FYTTD1: variants seen among roughly 807,000 people sequenced by gnomAD.
The protein encoded by FYTTD1 is forty-two-three domain containing 1.
FYTTD1 carries 22 observed loss-of-function variants against 40.9 expected under a neutral mutation model. The ratio of observed to expected loss-of-function variants is 0.54; its 90% CI spans 0.38 to 0.77. FYTTD1 has a LOEUF of 0.77. Ranked by LOEUF, FYTTD1 falls within the 30% of genes least tolerant of loss-of-function variation. The pLI is 0.00. For synonymous variants in FYTTD1, 140 were observed against 137.9 expected (o/e 1.01, Z -0.10); for missense variants, 351 against 392.2 (o/e 0.90, Z 0.89).
intron 2 of FYTTD1, among the ~76,000 whole-genome samples, chr3:197,765,647 A>G (rs537731625): frequency 3.3e-5 from 5 of 152,162 alleles, no homozygotes; most frequent in Admixed American, 3.3e-4. Context: ...AGATCACCTG[A>G]GGTCAGGAGT....
At position 197,750,797 on chromosome 3, in the gene FYTTD1, A is replaced by G. The variant is rs980166505; in HGVS notation, c.103+723A>G. The G allele has an allele frequency of 5.8e-5, 57 of 985,462 alleles. No homozygotes were observed. In the African/African-American group the frequency reaches 9.8e-4, roughly 17 times the overall value. The allele number at this position is 985,462 out of a possible 1,614,324, so 61.0% of individuals were successfully genotyped here. On this transcript the variant is annotated intron_variant, in intron 1 of 8. Transcript: ENST00000241502. Reference sequence around the variant, plus strand: ...AGCAAACATCTTTGAAGGAGAGATGATTGCTGTGGCTCGCTGAGAAGCCAG... The same window carrying G: ...AGCAAACATCTTTGAAGGAGAGATGGTTGCTGTGGCTCGCTGAGAAGCCAG...
In FYTTD1 at chr3:197,772,996, C is replaced by G. The variant is rs9843009; in HGVS notation, c.498-407C>G. 8.1e-3 allele frequency among the ~76,000 whole-genome samples: 1,232 copies of G among 152,246 alleles called. 10 individuals are homozygous for G. The highest frequency in any genetic ancestry group is 0.028 in the African/African-American group (1,166 of 41,542). On this transcript the variant is annotated intron_variant, in intron 4 of 8. Transcript: ENST00000241502. ...GAGATGTTATTTTTCAAACCTTTCT[C>G]TTTATTTTTGGTCTTCAGTTTATTT...
At chr3:197,758,751 A>G (rs1729280955) in intron 2 of FYTTD1, among the ~76,000 whole-genome samples, 1 of 152,236 alleles carries the variant, frequency 6.6e-6, no homozygotes, top group Admixed American at 6.5e-5. Context: ...TACTGAATGT[A>G]CAGAGATAGA....
At chr3:197,773,523 T>TTTTG (rs3830497) in intron 5 of FYTTD1, 24 bp downstream of exon 5, 803,981 of 1,012,260 alleles carry the variant, frequency 0.79, 329,610 homozygotes, top group East Asian at 0.97. Context: ...TTGGCAGTGT[T>TTTTG]TTTGTTTGTT....
At chr3:197,769,145 T>G (rs1729636739) in intron 3 of FYTTD1, among the ~76,000 whole-genome samples, 1 of 151,918 alleles carries the variant, frequency 6.6e-6, no homozygotes, top group Non-Finnish European at 1.5e-5. Context: ...TGGAGTGCAG[T>G]GGTGCAATCT....
chr3:197,781,170 C>T (rs1258418499), intron 8 of FYTTD1, among the ~76,000 whole-genome samples: 6 of 151,710 alleles, frequency 4.0e-5, no homozygotes, highest in East Asian at 1.9e-4. Flanking sequence ...AAAAATTAGC[C>T]GGGTGTGGTA....
Position 197,749,991 on chromosome 3 carries a change from G to T in FYTTD1, c.20G>T (p.Arg7Leu), listed in dbSNP as rs1247457765. ...CCAGCCATGAACCGGTTTGGTACCC[G>T]GTTGGTGGGAGCCACGGCGACTTCT... MNRFGT[R>L]LVGATATSSP... is the part of the protein sequence containing the mutation. The change falls in exon 1 of 9, where the codon CGG (arginine) becomes CTG (leucine). Residue 7 changes from arginine to leucine, a missense_variant. Physicochemically the swap from Arg to Leu is moderately radical, Grantham distance 102 (BLOSUM62 -2). Transcript: ENST00000241502. 2.5e-6 allele frequency: 4 copies of T among 1,582,908 alleles called. No homozygotes were observed. The African/African-American group carries it at 5.6e-5, about 22-fold the overall frequency.
chr3:197,757,618 T>C (rs1273640017), intron 2 of FYTTD1, among the ~76,000 whole-genome samples: 1 of 152,096 alleles, frequency 6.6e-6, no homozygotes, highest in Admixed American at 6.6e-5. Flanking sequence ...CCACAAAAAA[T>C]TTAAAAATTA....
At chr3:197,757,251 C>T (rs892296841) in intron 2 of FYTTD1, among the ~76,000 whole-genome samples, 9 of 152,136 alleles carry the variant, frequency 5.9e-5, no homozygotes, top group Non-Finnish European at 8.8e-5. Context: ...TGATTGAAGG[C>T]AGTAATTGAA....
chr3:197,776,205 ATTTTTTT>A (rs546104827), intron 6 of FYTTD1, among the ~76,000 whole-genome samples: 1 of 139,456 alleles, frequency 7.2e-6, no homozygotes, highest in Admixed American at 7.2e-5. Flanking sequence ...CATCATAGCA[ATTTTTTT>A]TTTTTTTTTT....
intron 1 of FYTTD1, among the ~76,000 whole-genome samples, chr3:197,754,003 G>A (rs538951306): frequency 4.3e-4 from 65 of 152,254 alleles, no homozygotes; most frequent in African/African-American, 1.6e-3. Context: ...GCCTCCCAAA[G>A]TGCTGGGATT....
rs1439093419 is a variant in FYTTD1, at chr3:197,782,066, C to T, written c.*157C>T. The T allele has an allele frequency of 9.3e-6, 4 of 429,126 alleles. No individual in the cohort carries two copies. Among genetic ancestry groups the T allele is most frequent in the South Asian group, 1.3e-4 (2 of 15,138 alleles). The allele number at this position is 429,126 out of a possible 1,614,324, so 26.6% of individuals were successfully genotyped here. A position where few individuals can be genotyped will look rare whatever the true frequency, so the allele number is the denominator to read the frequency against. ...AGGTTTTTTTTTTTAAAAAAAAAAACGTATAAAATAATGCCCTGAAAGAAT... is the reference window on the plus strand; with the variant it reads ...AGGTTTTTTTTTTTAAAAAAAAAAATGTATAAAATAATGCCCTGAAAGAAT... On this transcript the variant is annotated 3_prime_UTR_variant, in exon 9 of 9. Transcript: ENST00000241502.
chr3:197,770,112 A>G lies in FYTTD1; in HGVS notation c.385-20A>G. On this transcript the variant is annotated intron_variant, in intron 3 of 8. Transcript: ENST00000241502. ...TAGAAAAATGCAATTTGATTAACATAATTTCTTGCCTTCTGATAGAATATA... is the reference window on the plus strand; with the variant it reads ...TAGAAAAATGCAATTTGATTAACATGATTTCTTGCCTTCTGATAGAATATA... 1 of 1,402,260 alleles carries G rather than the reference A, an allele frequency of 7.1e-7. No homozygotes were observed. The highest frequency in any genetic ancestry group is 1.0e-6 in the Non-Finnish European group (1 of 1,000,980). The allele number at this position is 1,402,260 out of a possible 1,614,324, so 86.9% of individuals were successfully genotyped here.
chr3:197,776,888 T>G, intron 6 of FYTTD1, 39 bp from the exon 7 acceptor site: 1 of 1,360,022 alleles, frequency 7.4e-7, no homozygotes, highest in Non-Finnish European at 1.0e-6. Flanking sequence ...GTTTATCAAC[T>G]TACATTTAAT....
intron 1 of FYTTD1, 104 bp from the exon 2 acceptor site, chr3:197,756,322 A>G (rs557928256): frequency 1.3e-6 from 1 of 783,020 alleles, no homozygotes; most frequent in Non-Finnish European, 2.1e-6. Flanking sequence ...GTGCTTTCAA[A>G]GTAGAAAAGA....
At chr3:197,766,179 A>G (rs1466150089) in intron 2 of FYTTD1, among the ~76,000 whole-genome samples, 2 of 15,206 alleles carry the variant, frequency 1.3e-4, no homozygotes, top group East Asian at 0.015. Context: ...AAAAAAAAAA[A>G]GAGTTTGCTT....
At chr3:197,754,420 A>G (rs181429304) in intron 1 of FYTTD1, among the ~76,000 whole-genome samples, 182 of 152,258 alleles carry the variant, frequency 1.2e-3, no homozygotes, top group African/African-American at 4.1e-3. Flanking sequence ...TAAGAGTCTT[A>G]AAGATTAGAG....
intron 2 of FYTTD1, among the ~76,000 whole-genome samples, chr3:197,767,011 C>T (rs1560496741): frequency 6.6e-6 from 1 of 151,600 alleles, no homozygotes; most frequent in Non-Finnish European, 1.5e-5. Flanking sequence ...TGTTTATTTT[C>T]TTATTTGTAC....
Position 197,760,041 on chromosome 3 carries a change from TC to T in FYTTD1, c.235+3486del, listed in dbSNP as rs138925066. ...GTGGTAGAATGTATGGAGTTGTTCT[TC>T]CGTGGTAGAACGTATAGAGTTGTTC... On this transcript the variant is annotated intron_variant, in intron 2 of 8. Coordinates refer to ENST00000241502, the MANE Select transcript of FYTTD1 (RefSeq NM_032288.7). Among the ~76,000 whole-genome samples the T allele has an allele frequency of 1.1e-4, 17 of 152,206 alleles. No homozygotes were observed. In the East Asian group the frequency reaches 2.9e-3, roughly 26 times the overall value.
Sources: allele counts gnomAD v4.1 joint callset (sites outside exome capture counted in the v4.1 genomes callset), GRCh38; gene constraint gnomAD v4.1.1; transcripts MANE v1.5; gene names NCBI Gene and HGNC (gene_info 2026-07-23, HGNC 2026-07-21).